Variants in DOK5 observed in about 807,000 individuals in gnomAD.
The protein encoded by DOK5 is downstream of tyrosine kinase 5.
In DOK5, 27 loss-of-function variants were observed where a neutral mutation model predicts 43.3. The observed-to-expected ratio is 0.62, with a 90% CI of 0.46 to 0.86. DOK5 has a LOEUF of 0.86. Among genes scored for constraint, DOK5 ranks in the 40% least tolerant of loss-of-function variants. DOK5 has a pLI of 0.00. For synonymous variants in DOK5, 146 were observed against 140.1 expected, an observed-to-expected ratio of 1.04 and a Z score of -0.30; for missense variants, 373 against 392.9, an observed-to-expected ratio of 0.95 and a Z score of 0.43.
intron 1 of DOK5, among the ~76,000 whole-genome samples, chr20:54,503,136 G>A (rs1214581027): frequency 1.3e-5 from 2 of 152,148 alleles, no homozygotes; most frequent in African/African-American, 4.8e-5. Context: ...TGGGTCTGGT[G>A]CAGGGGTAGG....
intron 1 of DOK5, among the ~76,000 whole-genome samples, chr20:54,481,131 CATCT>C (rs58563329): frequency 0.39 from 54,800 of 139,084 alleles, 10,828 homozygotes; most frequent in Admixed American, 0.43. Flanking sequence ...ATGTATCTAT[CATCT>C]ATCTATCTAT....
intron 6 of DOK5, among the ~76,000 whole-genome samples, chr20:54,623,837 C>A (rs1249532209): frequency 3.3e-5 from 5 of 152,170 alleles, no homozygotes; most frequent in African/African-American, 1.2e-4. Flanking sequence ...CCTTGGCCTG[C>A]CAAAGTGCTT....
intron 5 of DOK5, among the ~76,000 whole-genome samples, chr20:54,606,390 G>A (rs1986470263): frequency 6.6e-6 from 1 of 152,132 alleles, no homozygotes; most frequent in Non-Finnish European, 1.5e-5. Flanking sequence ...AAAAATCAAT[G>A]GGTAAAGAGA....
chr20:54,505,144 C>T (rs929054322), intron 1 of DOK5, among the ~76,000 whole-genome samples: 13 of 152,092 alleles, frequency 8.5e-5, no homozygotes, highest in Non-Finnish European at 1.8e-4. Flanking sequence ...GAAGTCACTT[C>T]AAGTCCCTGC....
intron 1 of DOK5, among the ~76,000 whole-genome samples, chr20:54,540,099 CA>C (rs1458629650): frequency 1.3e-5 from 2 of 151,812 alleles, no homozygotes; most frequent in East Asian, 3.9e-4. Context: ...GGTGACTACT[CA>C]GAACACCTCT....
chr20:54,480,766 G>A (rs1392956751), intron 1 of DOK5, among the ~76,000 whole-genome samples: 1 of 152,048 alleles, frequency 6.6e-6, no homozygotes, highest in Admixed American at 6.6e-5. Context: ...GCCCTATGCT[G>A]CCCCAGAACC....
intron 1 of DOK5, among the ~76,000 whole-genome samples, chr20:54,511,227 C>T (rs1236333607): frequency 1.3e-5 from 2 of 152,144 alleles, no homozygotes; most frequent in Non-Finnish European, 2.9e-5. Context: ...CTCACATTTA[C>T]CCATCTTTAA....
At chr20:54,562,651 C>T (rs147470156) in intron 2 of DOK5, among the ~76,000 whole-genome samples, 1 of 152,186 alleles carries the variant, frequency 6.6e-6, no homozygotes, top group Non-Finnish European at 1.5e-5. Flanking sequence ...CTCGTGGGCT[C>T]AAGTGATTCT....
At chr20:54,556,002 A>G (rs759999407) in intron 2 of DOK5, among the ~76,000 whole-genome samples, 25 of 152,234 alleles carry the variant, frequency 1.6e-4, no homozygotes, top group Non-Finnish European at 2.9e-5. Flanking sequence ...TAAAGGGTCT[A>G]TGATGACACT....
intron 1 of DOK5, among the ~76,000 whole-genome samples, chr20:54,499,642 A>C (rs998535413): frequency 2.6e-5 from 4 of 152,272 alleles, no homozygotes; most frequent in Admixed American, 2.6e-4. Flanking sequence ...ATTTAAAAAC[A>C]TCTCTGTGTA....
At chr20:54,562,844 G>A (rs1268799209) in intron 2 of DOK5, among the ~76,000 whole-genome samples, 1 of 152,184 alleles carries the variant, frequency 6.6e-6, no homozygotes, top group Non-Finnish European at 1.5e-5. Flanking sequence ...CCACCCTTCT[G>A]TTGTGGGTTG....
At chr20:54,525,609 G>A (rs930884170) in intron 1 of DOK5, among the ~76,000 whole-genome samples, 18 of 152,196 alleles carry the variant, frequency 1.2e-4, no homozygotes, top group Admixed American at 9.8e-4. Context: ...CCTGTTGGAA[G>A]TTTCTTCCTC....
intron 5 of DOK5, among the ~76,000 whole-genome samples, chr20:54,610,158 A>G (rs911759783): frequency 6.6e-6 from 1 of 152,242 alleles, no homozygotes; most frequent in Non-Finnish European, 1.5e-5. Flanking sequence ...TTACTTTGTG[A>G]TAAAACCATT....
chr20:54,601,247 C>T (rs1242274323), intron 5 of DOK5, among the ~76,000 whole-genome samples: 1 of 152,148 alleles, frequency 6.6e-6, no homozygotes, highest in African/African-American at 2.4e-5. Flanking sequence ...TACTAAACTG[C>T]CATTTCATCT....
intron 1 of DOK5, among the ~76,000 whole-genome samples, chr20:54,495,329 C>T (rs1982349838): frequency 6.6e-6 from 1 of 152,078 alleles, no homozygotes; most frequent in African/African-American, 2.4e-5. Context: ...CTGTTTATAT[C>T]ACCATAAAAA....
intron 6 of DOK5, among the ~76,000 whole-genome samples, chr20:54,637,623 C>T (rs528726117): frequency 5.9e-5 from 9 of 152,302 alleles, no homozygotes; most frequent in South Asian, 2.1e-4. Flanking sequence ...TTAATTTAAC[C>T]GGGACCTAAA....
intron 6 of DOK5, among the ~76,000 whole-genome samples, chr20:54,629,992 G>A (rs1439530375): frequency 3.3e-5 from 5 of 152,226 alleles, no homozygotes; most frequent in Non-Finnish European, 5.9e-5. Context: ...GTCAGACCCT[G>A]TAGCTATGAG....
chr20:54,631,887 G>A (rs932138032), intron 6 of DOK5, among the ~76,000 whole-genome samples: 14 of 152,112 alleles, frequency 9.2e-5, no homozygotes, highest in African/African-American at 3.1e-4. Context: ...CAGGAGAATC[G>A]CTTGAACCCG....
chr20:54,598,908 C>G (rs1381898883), intron 5 of DOK5, among the ~76,000 whole-genome samples: 1 of 152,030 alleles, frequency 6.6e-6, no homozygotes, highest in African/African-American at 2.4e-5. Flanking sequence ...CTAAAACCAG[C>G]CTAATTGGTG....
Sources: allele counts gnomAD v4.1 joint callset (sites outside exome capture counted in the v4.1 genomes callset), GRCh38; gene constraint gnomAD v4.1.1; transcripts MANE v1.5; gene names NCBI Gene and HGNC (gene_info 2026-07-23, HGNC 2026-07-21).